Variants in CAPZB observed in about 807,000 individuals in gnomAD.
CAPZB encodes the protein capping actin protein of muscle Z-line subunit beta, also known as F-actin-capping protein subunit beta.
In CAPZB, 2 loss-of-function variants were observed where a neutral mutation model predicts 38.1. The ratio of observed to expected loss-of-function variants is 0.05; its 90% CI spans 0.02 to 0.17. The LOEUF (loss-of-function observed/expected upper bound fraction) is 0.17, where lower values mean the gene tolerates loss of function less well. CAPZB is among the 10% of genes least tolerant of loss of function. The pLI, the probability that CAPZB is intolerant of heterozygous loss-of-function variation, is 1.00. For missense variants in CAPZB, 161 were observed against 334.2 expected, an observed-to-expected ratio of 0.48 and a Z score of 4.04; for synonymous variants, 107 against 127.4, an observed-to-expected ratio of 0.84 and a Z score of 1.08.
rs1421596213 is a variant in CAPZB at position 19,356,776 on chromosome 1, T to C, written c.472-25A>G. The C allele has an allele frequency of 2.6e-6, 4 of 1,545,500 alleles. No homozygotes were observed. Among genetic ancestry groups the C allele is most frequent in the South Asian group, 1.1e-5 (1 of 89,462 alleles). ...CCTGGAAGGACAAGACAGAGATCTG[T>C]TGAGCTGAGGGAGAGCCTGAAGTGG... On this transcript the variant is annotated intron_variant, in intron 5 of 8. Coordinates refer to ENST00000264202, the MANE Select transcript of CAPZB (RefSeq NM_004930.5). The surrounding 1 kb of genome is among the most constrained non-coding windows in gnomAD (Gnocchi z 4.3).
chr1:19,420,601 G>C (rs997687757), intron 1 of CAPZB, among the ~76,000 whole-genome samples: 1 of 151,372 alleles, frequency 6.6e-6, no homozygotes, highest in Non-Finnish European at 1.5e-5. Flanking sequence ...GTTTTTTTTG[G>C]GGGGGAGGGG....
intron 1 of CAPZB, among the ~76,000 whole-genome samples, chr1:19,432,393 G>T (rs776733513): frequency 6.6e-6 from 1 of 152,118 alleles, no homozygotes; most frequent in African/African-American, 2.4e-5. Context: ...AGTGAGCTGA[G>T]ATAGCACCAC....
At chr1:19,484,271 TG>T in intron 1 of CAPZB, 1 of 1,611,944 alleles carries the variant, frequency 6.2e-7, no homozygotes, top group South Asian at 1.1e-5. Context: ...TGCGCCTGCT[TG>T]GGTGCATCGT....
intron 1 of CAPZB, among the ~76,000 whole-genome samples, chr1:19,452,544 C>G (rs1244755262): frequency 6.6e-6 from 1 of 152,216 alleles, no homozygotes; most frequent in Non-Finnish European, 1.5e-5. Flanking sequence ...AGGCCTTCCA[C>G]TGCCACGTAC....
intron 1 of CAPZB, among the ~76,000 whole-genome samples, chr1:19,473,735 G>C (rs1164336323): frequency 1.3e-5 from 2 of 152,076 alleles, no homozygotes; most frequent in African/African-American, 4.8e-5. Flanking sequence ...ATAGTGGCAC[G>C]TGCCTGTAAT....
chr1:19,342,888 T>C, intron 8 of CAPZB: 1 of 1,400,490 alleles, frequency 7.1e-7, no homozygotes, highest in Non-Finnish European at 1.0e-6. Flanking sequence ...TCAAGATGAG[T>C]GGAGTGGGAG....
chr1:19,442,198 A>T (rs938251667), intron 1 of CAPZB, among the ~76,000 whole-genome samples: 3 of 152,110 alleles, frequency 2.0e-5, no homozygotes, highest in African/African-American at 7.2e-5. Context: ...TTTAACTGAC[A>T]ATTTTCAAAA....
chr1:19,455,201 A>G (rs1254287911), intron 1 of CAPZB, among the ~76,000 whole-genome samples: 2 of 152,222 alleles, frequency 1.3e-5, no homozygotes, highest in Non-Finnish European at 2.9e-5. Flanking sequence ...AGGGGAAACA[A>G]AGGGGTCCAT....
intron 4 of CAPZB, among the ~76,000 whole-genome samples, chr1:19,358,254 C>CA (rs1300553598): frequency 6.6e-6 from 1 of 152,252 alleles, no homozygotes; most frequent in Non-Finnish European, 1.5e-5. Context: ...TCTCCTGCCT[C>CA]AACCTCCTGA....
chr1:19,446,443 G>A (rs575478548), intron 1 of CAPZB, among the ~76,000 whole-genome samples: 3 of 152,344 alleles, frequency 2.0e-5, no homozygotes, highest in Admixed American at 2.0e-4. Flanking sequence ...ACAATGATCT[G>A]AGTCTAGAAA....
intron 4 of CAPZB, among the ~76,000 whole-genome samples, chr1:19,375,076 C>T (rs879526662): frequency 5.3e-5 from 8 of 152,162 alleles, no homozygotes; most frequent in South Asian, 2.1e-4. Flanking sequence ...CATTCCAGGG[C>T]CTGCTGTGGT....
chr1:19,425,638 A>C (rs1463039210), intron 1 of CAPZB, among the ~76,000 whole-genome samples: 1 of 152,240 alleles, frequency 6.6e-6, no homozygotes, highest in East Asian at 1.9e-4. Context: ...AAAAAGCATA[A>C]AATTGCTTAA....
chr1:19,345,092 A>C, intron 7 of CAPZB, 95 bp downstream of exon 7: 1 of 939,046 alleles, frequency 1.1e-6, no homozygotes, highest in Non-Finnish European at 1.7e-6. Flanking sequence ...AGCTGAGAGA[A>C]AGCAGCAGAG....
At chr1:19,431,720 C>CAAAAAAT (rs147260274) in intron 1 of CAPZB, among the ~76,000 whole-genome samples, 34 of 146,866 alleles carry the variant, frequency 2.3e-4, no homozygotes, top group South Asian at 1.5e-3. Context: ...GACTCCGTCT[C>CAAAAAAT]AAAAAATAAA....
chr1:19,485,539 T>G lies in CAPZB; in HGVS notation c.-101A>C. ...TTCCCCGGGTGCCCAGGAGTGAACA[T>G]CCGGGTCAGCACCCCCCTCCCCCCG... On this transcript the variant is annotated 5_prime_UTR_variant, in exon 1 of 9. An upstream start codon of the reference 5' UTR is lost. Coordinates refer to ENST00000264202, the MANE Select transcript of CAPZB (RefSeq NM_004930.5). The G allele has an allele frequency of 1.0e-6, 1 of 977,286 alleles. No homozygotes were observed. Among genetic ancestry groups the G allele is most frequent in the Non-Finnish European group, 1.3e-6 (1 of 761,724 alleles). The allele number at this position is 977,286 out of a possible 1,614,324, so 60.5% of individuals were successfully genotyped here. A position where few individuals can be genotyped will look rare whatever the true frequency, so the allele number is the denominator to read the frequency against.
intron 2 of CAPZB, among the ~76,000 whole-genome samples, chr1:19,392,089 A>G (rs1385499200): frequency 1.3e-5 from 2 of 151,958 alleles, no homozygotes; most frequent in Non-Finnish European, 2.9e-5. Context: ...AGGCCGAAGC[A>G]GGAGAATCAC....
At chr1:19,352,789 T>C (rs368804022) in intron 6 of CAPZB, among the ~76,000 whole-genome samples, 4 of 152,192 alleles carry the variant, frequency 2.6e-5, no homozygotes, top group East Asian at 1.9e-4. Context: ...CTTTTGGTGG[T>C]TGGAGGTGGG....
At chr1:19,353,002 A>G (rs1413147168) in intron 6 of CAPZB, among the ~76,000 whole-genome samples, 5 of 152,254 alleles carry the variant, frequency 3.3e-5, no homozygotes, top group African/African-American at 1.2e-4. Flanking sequence ...GACCCCTGCG[A>G]GGTGCCAGCA....
intron 8 of CAPZB, among the ~76,000 whole-genome samples, chr1:19,341,672 G>T (rs371162738): frequency 6.6e-6 from 1 of 152,314 alleles, no homozygotes; most frequent in Non-Finnish European, 1.5e-5. Context: ...TGGGCGGCCA[G>T]GGAACTGCAC....
Sources: allele counts gnomAD v4.1 joint callset (sites outside exome capture counted in the v4.1 genomes callset), GRCh38; gene constraint gnomAD v4.1.1; non-coding constraint Gnocchi (gnomAD v3.1); transcripts MANE v1.5; gene names NCBI Gene and HGNC (gene_info 2026-07-23, HGNC 2026-07-21).